COMMD10: variants seen among roughly 807,000 people sequenced by gnomAD.
COMMD10 encodes the protein COMM domain-containing protein 10.
Under a neutral mutation model 28.9 loss-of-function variants are expected in COMMD10, and 33 were observed. The ratio of observed to expected loss-of-function variants is 1.14; its 90% CI spans 0.87 to 1.53. COMMD10 has a LOEUF of 1.53. COMMD10 is among the 40% of genes most tolerant of loss of function. The pLI is 0.00. For synonymous variants in COMMD10, 110 were observed against 81.7 expected (o/e 1.35, Z -1.87); for missense variants, 310 against 233.4 (o/e 1.33, Z -2.14).
chr5:116,188,965 A>G (rs1748250049), intron 5 of COMMD10, among the ~76,000 whole-genome samples: 1 of 152,236 alleles, frequency 6.6e-6, no homozygotes, highest in Non-Finnish European at 1.5e-5. Flanking sequence ...GTGCTATCAG[A>G]CACATAATAT....
intron 4 of COMMD10, among the ~76,000 whole-genome samples, chr5:116,109,397 C>T (rs1425606045): frequency 6.6e-6 from 1 of 152,158 alleles, no homozygotes; most frequent in Non-Finnish European, 1.5e-5. Context: ...AGTTTGAGAC[C>T]AGCCTGGCCA....
At chr5:116,199,836 T>C (rs1388686577) in intron 5 of COMMD10, among the ~76,000 whole-genome samples, 1 of 152,170 alleles carries the variant, frequency 6.6e-6, no homozygotes, top group Non-Finnish European at 1.5e-5. Flanking sequence ...CAAGCAATCC[T>C]CCAGAGTATC....
chr5:116,211,938 G>T (rs914587294), intron 5 of COMMD10, among the ~76,000 whole-genome samples: 6 of 152,114 alleles, frequency 3.9e-5, no homozygotes, highest in African/African-American at 1.4e-4. Flanking sequence ...TTGACTTCCA[G>T]CTCTGACTTT....
chr5:116,087,560 T>A lies in COMMD10; in HGVS notation c.105T>A (p.Thr35=), dbSNP rs745630687. The part of the protein sequence containing the change: ...IDTGRFPRLL[T]RILQKLHLKA... ...CAGGAAGATTTCCACGGTTGCTCAC[T>A]CGGATTCTTCAAAAACTTCACCTGA... The change falls in exon 2 of 7, where the codon ACT becomes ACA. Residue 35 remains threonine, a synonymous_variant. Transcript: ENST00000274458. 2 of 1,611,390 alleles carry A rather than the reference T, an allele frequency of 1.2e-6. No homozygotes were observed. Among genetic ancestry groups the A allele is most frequent in the Non-Finnish European group, 1.7e-6 (2 of 1,177,456 alleles).
chr5:116,185,618 C>T (rs1266590041), intron 5 of COMMD10, among the ~76,000 whole-genome samples: 4 of 152,038 alleles, frequency 2.6e-5, no homozygotes, highest in Non-Finnish European at 5.9e-5. Flanking sequence ...GAGAACAAAA[C>T]ATAGCAAAAG....
chr5:116,146,615 A>G (rs1361504212), intron 5 of COMMD10, among the ~76,000 whole-genome samples: 1 of 151,942 alleles, frequency 6.6e-6, no homozygotes, highest in Non-Finnish European at 1.5e-5. Flanking sequence ...CTTTCCTGGC[A>G]TAGTTTAAAT....
chr5:116,211,468 G>C (rs577361398), intron 5 of COMMD10, among the ~76,000 whole-genome samples: 5 of 152,044 alleles, frequency 3.3e-5, no homozygotes, highest in Non-Finnish European at 7.4e-5. Context: ...ACATTATGAT[G>C]GCTACAGCAT....
intron 5 of COMMD10, among the ~76,000 whole-genome samples, chr5:116,261,841 C>A (rs1027407665): frequency 6.6e-6 from 1 of 151,722 alleles, no homozygotes; most frequent in Non-Finnish European, 1.5e-5. Context: ...ACCTTTGGTT[C>A]CACTGGCCAG....
chr5:116,141,148 A>G (rs1276006714), intron 5 of COMMD10, among the ~76,000 whole-genome samples: 1 of 151,284 alleles, frequency 6.6e-6, no homozygotes, highest in East Asian at 1.9e-4. Context: ...TCACATGGAT[A>G]TTCAGTTTTC....
At chr5:116,088,624 T>C (rs1423911134) in intron 2 of COMMD10, among the ~76,000 whole-genome samples, 1 of 152,222 alleles carries the variant, frequency 6.6e-6, no homozygotes, top group Non-Finnish European at 1.5e-5. Context: ...CACTGGATGG[T>C]ACCCATTTAC....
chr5:116,200,582 C>G (rs1748641524), intron 5 of COMMD10, among the ~76,000 whole-genome samples: 3 of 151,760 alleles, frequency 2.0e-5, no homozygotes, highest in Admixed American at 2.0e-4. Flanking sequence ...GTAGTTGTGC[C>G]ACATTTCCTC....
intron 5 of COMMD10, among the ~76,000 whole-genome samples, chr5:116,188,282 T>C (rs942354726): frequency 2.0e-5 from 3 of 152,168 alleles, no homozygotes; most frequent in African/African-American, 7.2e-5. Flanking sequence ...ACTTAAAGTA[T>C]GTTCTACAGG....
At chr5:116,158,211 C>T (rs142297050) in intron 5 of COMMD10, among the ~76,000 whole-genome samples, 11,195 of 15,658 alleles carry the variant, frequency 0.71, 4,959 homozygotes, top group Non-Finnish European at 0.79. Flanking sequence ...CTCCGTCTCC[C>T]CTCTCTCCGT....
At position 116,102,684 on chromosome 5, in the gene COMMD10, T is replaced by A. The variant is rs368889383; in HGVS notation, c.399+9984T>A. 3.1e-4 allele frequency among the ~76,000 whole-genome samples: 47 copies of A among 152,304 alleles called. 1 individual carries two copies. In the South Asian group the frequency reaches 8.1e-3, roughly 26 times the overall value. ...TTAATAATAATTCTTTTTATTATTA[T>A]GTTTTAAGTTCTGGGGTACATGTGC... On this transcript the variant is annotated intron_variant, in intron 4 of 6. Coordinates refer to ENST00000274458, the MANE Select transcript of COMMD10 (RefSeq NM_016144.4).
chr5:116,151,974 G>A (rs1446703264), intron 5 of COMMD10, among the ~76,000 whole-genome samples: 1 of 152,124 alleles, frequency 6.6e-6, no homozygotes, highest in Non-Finnish European at 1.5e-5. Context: ...GATCTTTCCT[G>A]CTTTCTCTTG....
At chr5:116,138,898 C>A (rs1226147978) in intron 5 of COMMD10, among the ~76,000 whole-genome samples, 1 of 151,600 alleles carries the variant, frequency 6.6e-6, no homozygotes, top group African/African-American at 2.4e-5. Context: ...AGTATCACTT[C>A]TTTTTGTGGT....
chr5:116,245,808 T>C (rs939456537), intron 5 of COMMD10, among the ~76,000 whole-genome samples: 3 of 148,546 alleles, frequency 2.0e-5, no homozygotes, highest in African/African-American at 7.7e-5. Flanking sequence ...TTAAAACTCA[T>C]AGCAAACTAG....
chr5:116,196,566 T>C (rs890819953), intron 5 of COMMD10, among the ~76,000 whole-genome samples: 4 of 151,872 alleles, frequency 2.6e-5, no homozygotes, highest in African/African-American at 9.7e-5. Context: ...TTGGTTAATG[T>C]AGATTATTAT....
At chr5:116,227,740 G>A (rs779535467) in intron 5 of COMMD10, among the ~76,000 whole-genome samples, 1 of 151,936 alleles carries the variant, frequency 6.6e-6, no homozygotes, top group Non-Finnish European at 1.5e-5. Context: ...CAGCTTTTCA[G>A]TTTCTCAGCT....
Sources: allele counts gnomAD v4.1 joint callset (sites outside exome capture counted in the v4.1 genomes callset), GRCh38; gene constraint gnomAD v4.1.1; transcripts MANE v1.5; gene names NCBI Gene and HGNC (gene_info 2026-07-23, HGNC 2026-07-21).